CLASP1: variants seen among roughly 807,000 people sequenced by gnomAD.
The protein encoded by CLASP1 is CLIP-associating protein 1.
In CLASP1, 38 loss-of-function variants were observed where a neutral mutation model predicts 192.3. That is an observed-to-expected ratio of 0.20 (90% confidence interval 0.15 to 0.26). The LOEUF (loss-of-function observed/expected upper bound fraction) is 0.26. Among genes scored for constraint, CLASP1 ranks in the 10% least tolerant of loss-of-function variants. The probability of loss-of-function intolerance (pLI) is 1.00; values close to 1 mark genes in which losing one functional copy is unlikely to be tolerated. For missense variants in CLASP1, 1,433 were observed against 1,932.5 expected, an observed-to-expected ratio of 0.74 and a Z score of 4.85; for synonymous variants, 691 against 712.8, an observed-to-expected ratio of 0.97 and a Z score of 0.49.
chr2:121,451,290 C>T (rs1488925228), intron 15 of CLASP1, among the ~76,000 whole-genome samples: 1 of 152,154 alleles, frequency 6.6e-6, no homozygotes, highest in East Asian at 1.9e-4. Context: ...AAAATGTGCA[C>T]TTATAGCTCA....
chr2:121,626,071 G>T (rs1319152031), intron 1 of CLASP1, among the ~76,000 whole-genome samples: 1 of 150,460 alleles, frequency 6.6e-6, no homozygotes, highest in Non-Finnish European at 1.5e-5. Flanking sequence ...CTGCATTCCA[G>T]CCTGGAGGCA....
intron 34 of CLASP1, among the ~76,000 whole-genome samples, chr2:121,369,939 A>T (rs1466771436): frequency 6.6e-6 from 1 of 152,188 alleles, no homozygotes; most frequent in Non-Finnish European, 1.5e-5. Flanking sequence ...GTTCCAAAAC[A>T]TTGTATCAGT....
chr2:121,454,771 G>A (rs892472758), intron 14 of CLASP1, among the ~76,000 whole-genome samples: 6 of 152,120 alleles, frequency 3.9e-5, no homozygotes, highest in Non-Finnish European at 7.3e-5. Context: ...TCATCTTATC[G>A]GAGAAATTTT....
chr2:121,351,748 G>A (rs1238736025), intron 37 of CLASP1, among the ~76,000 whole-genome samples: 1 of 152,226 alleles, frequency 6.6e-6, no homozygotes, highest in Admixed American at 6.5e-5. Flanking sequence ...GATCAGCATG[G>A]CTTAAGGGTA....
intron 2 of CLASP1, among the ~76,000 whole-genome samples, chr2:121,561,508 C>T (rs1017371817): frequency 6.6e-6 from 1 of 152,020 alleles, no homozygotes; most frequent in African/African-American, 2.4e-5. Flanking sequence ...CAAAAGTATC[C>T]AATCTTTTGG....
At chr2:121,510,807 T>C (rs936652835) in intron 7 of CLASP1, among the ~76,000 whole-genome samples, 1 of 151,392 alleles carries the variant, frequency 6.6e-6, no homozygotes, top group African/African-American at 2.4e-5. Context: ...CAAAAAATAA[T>C]AATAATAAAT....
chr2:121,647,039 C>CAA (rs36066876), intron 1 of CLASP1, among the ~76,000 whole-genome samples: 10 of 71,720 alleles, frequency 1.4e-4, no homozygotes, highest in Admixed American at 3.2e-4. Flanking sequence ...GACTCCATCT[C>CAA]AAAAAAAAAA....
chr2:121,397,579 T>G (rs1311484910), intron 29 of CLASP1, among the ~76,000 whole-genome samples: 1 of 152,228 alleles, frequency 6.6e-6, no homozygotes. Context: ...GCAGGAGCCC[T>G]TGAGAGGGGC....
At chr2:121,439,329 C>T (rs1450858681) in intron 19 of CLASP1, among the ~76,000 whole-genome samples, 1 of 152,104 alleles carries the variant, frequency 6.6e-6, no homozygotes, top group Non-Finnish European at 1.5e-5. Flanking sequence ...CTATTTCCTT[C>T]AGTTCTGCTC....
chr2:121,435,374 A>C (rs2082124201), intron 19 of CLASP1, among the ~76,000 whole-genome samples: 1 of 152,130 alleles, frequency 6.6e-6, no homozygotes, highest in African/African-American at 2.4e-5. Context: ...TCCCGGGTTC[A>C]AGTGATTCTC....
At chr2:121,440,822 A>G (rs868497465) in intron 19 of CLASP1, among the ~76,000 whole-genome samples, 8 of 151,648 alleles carry the variant, frequency 5.3e-5, no homozygotes, top group Middle Eastern at 3.2e-3. Flanking sequence ...AGTAACAGAA[A>G]AAAAAAAAAA....
chr2:121,464,308 G>A (rs1250977724), intron 9 of CLASP1, among the ~76,000 whole-genome samples: 1 of 151,994 alleles, frequency 6.6e-6, no homozygotes, highest in African/African-American at 2.4e-5. Context: ...ATAAACATAC[G>A]TGTGCATGTG....
intron 34 of CLASP1, among the ~76,000 whole-genome samples, chr2:121,374,300 T>C (rs975200996): frequency 2.6e-5 from 4 of 152,248 alleles, no homozygotes; most frequent in African/African-American, 4.8e-5. Context: ...AAGGCAAGAA[T>C]TGAGGTTTGG....
At chr2:121,339,170 C>CAG (rs540674850) in exon 40 of CLASP1, 4 of 152,734 alleles carry the variant, frequency 2.6e-5, no homozygotes, top group African/African-American at 9.8e-5. Flanking sequence ...CACACACACA[C>CAG]GTCAGCACCC....
intron 24 of CLASP1, chr2:121,409,007 A>G (rs746820238): frequency 6.4e-7 from 1 of 1,554,298 alleles, no homozygotes; most frequent in Non-Finnish European, 8.7e-7. Flanking sequence ...GTAAAACAAA[A>G]GTTAAAGGAC....
At chr2:121,339,131 C>CACACACACACACACA (rs1330342670) in exon 40 of CLASP1, 1 of 143,514 alleles carries the variant, frequency 7.0e-6, no homozygotes, top group African/African-American at 2.6e-5. Context: ...ACACACAACA[C>CACACACACACACACA]CACACACACA....
At chr2:121,534,208 T>C (rs1471464108) in intron 2 of CLASP1, among the ~76,000 whole-genome samples, 1 of 152,210 alleles carries the variant, frequency 6.6e-6, no homozygotes, top group Non-Finnish European at 1.5e-5. Flanking sequence ...TCTTGGGTCA[T>C]CTAGGAGGGC....
chr2:121,605,196 C>G (rs911882696), intron 2 of CLASP1, among the ~76,000 whole-genome samples: 1 of 149,242 alleles, frequency 6.7e-6, no homozygotes, highest in African/African-American at 2.5e-5. Context: ...TCCTCTAGGC[C>G]ATTACACACA....
At chr2:121,349,545 A>C (rs2063977946) in intron 37 of CLASP1, among the ~76,000 whole-genome samples, 3 of 152,336 alleles carry the variant, frequency 2.0e-5, no homozygotes, top group Admixed American at 1.3e-4. Flanking sequence ...AGAAGCCTGG[A>C]GGAAATCAGA....
Sources: allele counts gnomAD v4.1 joint callset (sites outside exome capture counted in the v4.1 genomes callset), GRCh38; gene constraint gnomAD v4.1.1; transcripts MANE v1.5; gene names NCBI Gene and HGNC (gene_info 2026-07-23, HGNC 2026-07-21).